Variants in ADGRE5 observed in about 807,000 individuals in gnomAD.
ADGRE5 encodes CD97 molecule.
Under a neutral mutation model 100.3 loss-of-function variants are expected in ADGRE5, and 72 were observed. The ratio of observed to expected loss-of-function variants is 0.72; its 90% CI spans 0.59 to 0.87. The LOEUF is 0.87. Among genes scored for constraint, ADGRE5 ranks in the 40% least tolerant of loss-of-function variants. ADGRE5 has a pLI of 0.00. For missense variants in ADGRE5, 959 were observed against 1,094.7 expected, an observed-to-expected ratio of 0.88 and a Z score of 1.75; for synonymous variants, 439 against 447.8, an observed-to-expected ratio of 0.98 and a Z score of 0.25.
chr19:14,404,662 A>G, intron 13 of ADGRE5, 100 bp downstream of exon 13: 1 of 1,166,962 alleles, frequency 8.6e-7, no homozygotes, highest in South Asian at 1.4e-5. Flanking sequence ...GGTTGCTCAG[A>G]TATATCTGCA....
chr19:14,388,300 G>T (rs1441081911), intron 1 of ADGRE5, 150 bp from the exon 2 acceptor site: 5 of 1,414,930 alleles, frequency 3.5e-6, no homozygotes, highest in Non-Finnish European at 4.8e-6. Context: ...TTGAGCATCT[G>T]AGTGGGACAT....
intron 14 of ADGRE5, 60 bp downstream of exon 14, chr19:14,405,999 G>A (rs1976215270): frequency 2.1e-6 from 3 of 1,444,012 alleles, no homozygotes; most frequent in Non-Finnish European, 2.8e-6. Context: ...GGAGGGGTTA[G>A]CCCCGCCCAC....
At position 14,397,096 on chromosome 19, in the gene ADGRE5, C is replaced by T. The variant is rs771227562; in HGVS notation, c.498C>T (p.Ser166=). 39 of 1,613,890 alleles carry T rather than the reference C, an allele frequency of 2.4e-5. No individual in the cohort carries two copies. Among genetic ancestry groups the T allele is most frequent in the Middle Eastern group, 1.7e-4 (1 of 6,038 alleles). ...KVCTDVNECT[S]GQNPCHSSTH... is the part of the protein sequence containing the mutation. ...CCTCAGATGTGAATGAATGCACCTCCGGACAAAACCCGTGCCACAGCTCCA... is the reference window on the plus strand; with the variant it reads ...CCTCAGATGTGAATGAATGCACCTCTGGACAAAACCCGTGCCACAGCTCCA... The change falls in exon 6 of 20, where the codon TCC becomes TCT. Residue 166 remains serine (S), a synonymous_variant. Coordinates refer to ENST00000242786, the MANE Select transcript of ADGRE5 (RefSeq NM_078481.4).
rs1250205096 is a variant in ADGRE5, at chr19:14,406,389, T to C, written c.1880T>C (p.Phe627Ser). ...GLLHYCFLAA[F>S]CWMSLEGLEL... ...CTGCACTACTGTTTCCTGGCCGCCT[T>C]CTGCTGGATGAGCCTCGAAGGCCTG... The change falls in exon 15 of 20, where the codon TTC becomes TCC. Residue 627 changes from phenylalanine (F) to serine (S), a missense_variant. Transcript: ENST00000242786. The surrounding 1 kb of genome is among the most constrained non-coding windows in gnomAD (Gnocchi z 6.0). 9.4e-6 allele frequency: 15 copies of C among 1,592,336 alleles called. No homozygotes were observed. The highest frequency in any genetic ancestry group is 3.5e-5 in the Admixed American group (2 of 56,746).
intron 1 of ADGRE5, among the ~76,000 whole-genome samples, chr19:14,387,006 C>G (rs1975381587): frequency 6.6e-6 from 1 of 151,910 alleles, no homozygotes; most frequent in Non-Finnish European, 1.5e-5. Context: ...CAGAGAGAGA[C>G]TCTGTCTCAG....
chr19:14,399,380 T>A (rs1005568204), intron 9 of ADGRE5, among the ~76,000 whole-genome samples: 1 of 150,476 alleles, frequency 6.6e-6, no homozygotes, highest in African/African-American at 2.4e-5. Flanking sequence ...CTGGCCAACA[T>A]GGCGAAACCC....
intron 1 of ADGRE5, among the ~76,000 whole-genome samples, chr19:14,385,859 T>A (rs1248577397): frequency 6.6e-6 from 1 of 151,250 alleles, no homozygotes; most frequent in Non-Finnish European, 1.5e-5. Flanking sequence ...CAACTCTGCC[T>A]CCTTAGTTCA....
At chr19:14,383,529 T>C (rs552231433) in intron 1 of ADGRE5, among the ~76,000 whole-genome samples, 2 of 151,984 alleles carry the variant, frequency 1.3e-5, no homozygotes, top group African/African-American at 4.8e-5. Context: ...TAATAAATTA[T>C]GATGATTATT....
At position 14,402,543 on chromosome 19, in the gene ADGRE5, T is replaced by C. The variant is rs540455835; in HGVS notation, c.1184-54T>C. On this transcript the variant is annotated intron_variant, in intron 11 of 19. Coordinates refer to ENST00000242786, the MANE Select transcript of ADGRE5 (RefSeq NM_078481.4). Reference sequence around the variant, plus strand: ...AGCTGGGTCATCTTGGGAGGGAGGATAGAGCATGGGAGGAGGACAACGGGA... The same window carrying C: ...AGCTGGGTCATCTTGGGAGGGAGGACAGAGCATGGGAGGAGGACAACGGGA... The C allele has an allele frequency of 2.4e-4, 378 of 1,595,916 alleles. 3 individuals are homozygous for C. In the East Asian group the frequency reaches 8.3e-3, roughly 35 times the overall value.
intron 1 of ADGRE5, among the ~76,000 whole-genome samples, chr19:14,386,993 C>T (rs1458669172): frequency 3.3e-5 from 5 of 150,956 alleles, no homozygotes; most frequent in African/African-American, 7.3e-5. Context: ...CCAGCCTGGG[C>T]GACAGAGAGA....
chr19:14,391,219 CTA>C, intron 4 of ADGRE5, 140 bp downstream of exon 4: 1 of 1,054,392 alleles, frequency 9.5e-7, no homozygotes, highest in Admixed American at 2.2e-5. Flanking sequence ...GCACATGTAC[CTA>C]CCCCACCACC....
intron 13 of ADGRE5, 33 bp from the exon 14 acceptor site, chr19:14,405,715 G>A: frequency 6.4e-7 from 1 of 1,572,176 alleles, no homozygotes; most frequent in South Asian, 1.1e-5. Flanking sequence ...CTCATGCCCT[G>A]AAGGAACCCT....
intron 9 of ADGRE5, among the ~76,000 whole-genome samples, chr19:14,399,393 T>C (rs1975915860): frequency 1.3e-5 from 2 of 149,710 alleles, no homozygotes; most frequent in East Asian, 2.0e-4. Flanking sequence ...CGAAACCCCA[T>C]CTCTACTAAA....
At chr19:14,391,160 C>T in intron 4 of ADGRE5, 81 bp downstream of exon 4, 1 of 1,581,452 alleles carries the variant, frequency 6.3e-7, no homozygotes, top group South Asian at 1.1e-5. Context: ...ATCCAGAGAG[C>T]AGGGCCTTGG....
At position 14,406,647 on chromosome 19, in the gene ADGRE5, G is replaced by T. The variant is rs191046751; in HGVS notation, c.2049-53G>T. 688 of 1,608,848 alleles carry T rather than the reference G, an allele frequency of 4.3e-4. 3 individuals carry two copies. In the African/African-American group the frequency reaches 8.2e-3, roughly 19 times the overall value. On this transcript the variant is annotated intron_variant, in intron 15 of 19. Coordinates refer to ENST00000242786, the MANE Select transcript of ADGRE5 (RefSeq NM_078481.4). This position sits in a 1 kb window ranked among gnomAD's most constrained non-coding sequence, Gnocchi z 6.0. ...CACACACAATGTCCGGCCGCCCTCC[G>T]TTCCGCTCCTGGCTTCCTGGGGCAC...
intron 4 of ADGRE5, among the ~76,000 whole-genome samples, chr19:14,395,157 C>T (rs1482081186): frequency 2.0e-5 from 3 of 152,132 alleles, no homozygotes; most frequent in East Asian, 1.9e-4. Context: ...AAAAATTAGC[C>T]GGGCGCAGTG....
At position 14,406,780 on chromosome 19, in the gene ADGRE5, C is replaced by A; in HGVS notation, c.2115+14C>A. The A allele has an allele frequency of 6.2e-7, 1 of 1,613,832 alleles. No individual in the cohort carries two copies. On this transcript the variant is annotated intron_variant, in intron 16 of 19. Coordinates refer to ENST00000242786, the MANE Select transcript of ADGRE5 (RefSeq NM_078481.4). This position sits in a 1 kb window ranked among gnomAD's most constrained non-coding sequence, Gnocchi z 6.0. Reference sequence around the variant, plus strand: ...TTCATCATTTTGGTAAGTACCCACTCTCCCTCCACCGAAGCCCGAGCGCCA... The same window carrying A: ...TTCATCATTTTGGTAAGTACCCACTATCCCTCCACCGAAGCCCGAGCGCCA...
intron 1 of ADGRE5, among the ~76,000 whole-genome samples, chr19:14,385,391 CTCTG>C (rs757264195): frequency 3.3e-4 from 50 of 152,196 alleles, no homozygotes; most frequent in East Asian, 2.3e-3. Flanking sequence ...CTTTCTCTCT[CTCTG>C]TCTGTCTCTC....
intron 4 of ADGRE5, among the ~76,000 whole-genome samples, chr19:14,394,827 C>T (rs927285498): frequency 1.3e-5 from 2 of 152,186 alleles, no homozygotes; most frequent in East Asian, 3.9e-4. Context: ...CAGCCAGCAG[C>T]CTTGCTTGGA....
Sources: gnomAD v4.1 joint callset for allele counts (sites outside exome capture counted in the v4.1 genomes callset) on GRCh38, gnomAD v4.1.1 for gene constraint, Gnocchi (gnomAD v3.1) non-coding constraint, MANE v1.5 for transcripts, NCBI Gene and HGNC (gene_info 2026-07-23, HGNC 2026-07-21) for gene names.